The following MATN3 variants were observed in gnomAD, a reference collection of about 807,000 sequenced individuals.
MATN3 encodes matrilin 3.
Under a neutral mutation model 45.3 loss-of-function variants are expected in MATN3, and 48 were observed. The observed-to-expected ratio is 1.06, with a 90% CI of 0.84 to 1.35. The LOEUF is 1.35. Among genes scored for constraint, MATN3 ranks in the 40% most tolerant of loss-of-function variants. MATN3 has a pLI of 0.00. For missense variants in MATN3, 599 were observed against 628.0 expected (o/e 0.95, Z 0.49); for synonymous variants, 217 against 245.9 (o/e 0.88, Z 1.10).
At chr2:19,999,466 CT>C in intron 5 of MATN3, among the ~76,000 whole-genome samples, 1 of 152,162 alleles carries the variant, frequency 6.6e-6, no homozygotes, top group Non-Finnish European at 1.5e-5. Flanking sequence ...ATCAGTCCCT[CT>C]CCCTGGCTCA....
At chr2:19,997,081 C>T (rs1672886096) in intron 6 of MATN3, 53 bp downstream of exon 6, 2 of 1,594,644 alleles carry the variant, frequency 1.3e-6, no homozygotes, top group Admixed American at 1.7e-5. Flanking sequence ...AAAAAGCTTG[C>T]TCCTGAAAAA....
Position 19,995,460 on chromosome 2 carries a change from A to G in MATN3, c.1295-1051T>C, listed in dbSNP as rs1672847486. 5.3e-5 allele frequency among the ~76,000 whole-genome samples: 8 copies of G among 151,874 alleles called. No homozygotes were observed. Among genetic ancestry groups the G allele is most frequent in the Admixed American group, 4.6e-4 (7 of 15,270 alleles). ...AGATTGAAATGTCGTCTCAAAAAAC[A>G]AAACAAAAAAAAAGGATAAAAACCA... On this transcript the variant is annotated intron_variant, in intron 6 of 7. Transcript: ENST00000407540. This position sits in a 1 kb window ranked among gnomAD's most constrained non-coding sequence, Gnocchi z 4.2.
chr2:19,997,314 A>G, intron 5 of MATN3, 55 bp from the exon 6 acceptor site: 1 of 1,519,154 alleles, frequency 6.6e-7, no homozygotes, highest in Non-Finnish European at 8.8e-7. Flanking sequence ...AGAAAAGTAA[A>G]CACAAATGTT....
At chr2:20,000,636 CT>C (rs1672967514) in intron 4 of MATN3, 70 bp from the exon 5 acceptor site, 2 of 1,448,868 alleles carry the variant, frequency 1.4e-6, no homozygotes, top group African/African-American at 2.9e-5. Flanking sequence ...GGATAGAAAC[CT>C]TATTTGCAGC....
intron 3 of MATN3, 116 bp downstream of exon 3, chr2:20,003,045 C>A: frequency 7.9e-7 from 1 of 1,265,710 alleles, no homozygotes; most frequent in African/African-American, 1.5e-5. Context: ...AGTAAACCAG[C>A]CAAAAGGCAG....
rs762137848 is a variant in MATN3 at position 20,006,304 on chromosome 2, C to T, written c.230G>A (p.Cys77Tyr). Residue 77 changes from cysteine to tyrosine, a missense_variant, in exon 2 of 8, where the codon TGC becomes TAC. By Grantham distance (194) the Cys-to-Tyr change is radical. Transcript: ENST00000407540. ...CACCAGGTCCAAGGGTCTGCTCTTG[C>T]AAACACCTGCAAAAGACCAAGCAAT... Reference protein sequence around the residue: ...EPGRARGAGVCKSRPLDLVFI... With the variant: ...EPGRARGAGVYKSRPLDLVFI... The T allele has an allele frequency of 1.3e-6, 2 of 1,544,080 alleles. No individual in the cohort carries two copies. The highest frequency in any genetic ancestry group is 4.6e-5 in the East Asian group (2 of 43,614).
At chr2:19,993,741 A>T (rs1672802610) in intron 7 of MATN3, among the ~76,000 whole-genome samples, 1 of 152,234 alleles carries the variant, frequency 6.6e-6, no homozygotes, top group Non-Finnish European at 1.5e-5. Flanking sequence ...CACAATCTAA[A>T]TTCCACTCCT....
intron 5 of MATN3, among the ~76,000 whole-genome samples, chr2:19,999,486 T>A (rs1203147423): frequency 6.6e-6 from 1 of 152,054 alleles, no homozygotes. Flanking sequence ...CAGTCTCTGC[T>A]TTCATAAGGA....
intron 1 of MATN3, among the ~76,000 whole-genome samples, chr2:20,011,895 T>G (rs1050513233): frequency 7.9e-5 from 12 of 152,042 alleles, no homozygotes; most frequent in Admixed American, 7.9e-4. Flanking sequence ...AGACCCAGAG[T>G]GTCTTGATCC....
intron 3 of MATN3, among the ~76,000 whole-genome samples, chr2:20,002,713 T>C (rs1824661): frequency 0.57 from 86,562 of 151,504 alleles, 25,537 homozygotes; most frequent in African/African-American, 0.72. Flanking sequence ...AATCCTCCCA[T>C]CTCGGCCTCC....
chr2:19,997,428 C>G, intron 5 of MATN3, 169 bp from the exon 6 acceptor site: 1 of 585,920 alleles, frequency 1.7e-6, no homozygotes. Context: ...TTTCTCTTCC[C>G]ATACCTCTCA....
At chr2:19,996,290 T>G (rs139214761) in intron 6 of MATN3, among the ~76,000 whole-genome samples, 1 of 151,886 alleles carries the variant, frequency 6.6e-6, no homozygotes, top group East Asian at 1.9e-4. Context: ...AGTACAAGAC[T>G]TGTACACTGA....
intron 3 of MATN3, 149 bp downstream of exon 3, chr2:20,003,012 A>G (rs1032048253): frequency 3.9e-6 from 3 of 776,422 alleles, no homozygotes; most frequent in African/African-American, 1.7e-5. Context: ...GCTCCTTTTC[A>G]GGGAAAACTG....
chr2:19,997,197 C>T lies in MATN3; in HGVS notation c.1231G>A (p.Ala411Thr), dbSNP rs544319732. Residue 411 changes from alanine (A) to threonine (T), a missense_variant, in exon 6 of 8, where the codon GCA (alanine) becomes ACA (threonine). By Grantham distance (58) the Ala-to-Thr change is moderately conservative (BLOSUM62 0). Transcript: ENST00000407540. Reference sequence around the variant, plus strand: ...GGATAGCAATCACAGTGGTAGGATGCGGCCCCATCACTCACACAAATGTGC... The same window carrying T: ...GGATAGCAATCACAGTGGTAGGATGTGGCCCCATCACTCACACAAATGTGC... ...CQHICVSDGA[A>T]SYHCDCYPGY... The T allele has an allele frequency of 3.6e-5, 58 of 1,613,486 alleles. No individual in the cohort carries two copies. In the East Asian group the frequency reaches 9.6e-4, roughly 27 times the overall value.
rs1672880468 is a variant in MATN3, at chr2:19,996,876, C to T, written c.1294+258G>A. ...GGTAAATTGTATGTGTATTTTACCA[C>T]AATAAAAAAAATTCAGACTTAGGCA... On this transcript the variant is annotated intron_variant, in intron 6 of 7. Coordinates refer to ENST00000407540, the MANE Select transcript of MATN3 (RefSeq NM_002381.5). Among the ~76,000 whole-genome samples the T allele has an allele frequency of 2.0e-5, 3 of 151,942 alleles. No homozygotes were observed. In the South Asian group the frequency reaches 6.2e-4, roughly 31 times the overall value.
Position 20,000,578 on chromosome 2 carries a change from A to G in MATN3, c.1043-12T>C. The G allele has an allele frequency of 6.2e-7, 1 of 1,604,462 alleles. No individual in the cohort carries two copies. Among genetic ancestry groups the G allele is most frequent in the Non-Finnish European group, 8.5e-7 (1 of 1,177,042 alleles). On this transcript the variant is annotated splice_polypyrimidine_tract_variant and intron_variant, in intron 4 of 7. Transcript: ENST00000407540. ...ACATTTATCTTGAGCTGTGAAACAA[A>G]AAGTCAGGAGAAAAGAAATAGAAGG...
intron 2 of MATN3, among the ~76,000 whole-genome samples, chr2:20,004,746 C>A (rs958402284): frequency 6.6e-6 from 1 of 152,102 alleles, no homozygotes; most frequent in Non-Finnish European, 1.5e-5. Context: ...GGAGGGATTA[C>A]CTTTATCTTT....
At chr2:20,007,124 C>T (rs572932472) in intron 1 of MATN3, among the ~76,000 whole-genome samples, 6 of 152,152 alleles carry the variant, frequency 3.9e-5, no homozygotes, top group South Asian at 2.1e-4. Context: ...AGGAGAATGG[C>T]GTGAACCTGG....
At chr2:19,998,686 G>C (rs1392475283) in intron 5 of MATN3, among the ~76,000 whole-genome samples, 4 of 152,170 alleles carry the variant, frequency 2.6e-5, no homozygotes, top group South Asian at 2.1e-4. Context: ...GAGCCCGGGA[G>C]GTAGAGGCTG....
Sources: allele counts gnomAD v4.1 joint callset (sites outside exome capture counted in the v4.1 genomes callset), GRCh38; gene constraint gnomAD v4.1.1; non-coding constraint Gnocchi (gnomAD v3.1); transcripts MANE v1.5; gene names NCBI Gene and HGNC (gene_info 2026-07-23, HGNC 2026-07-21).